SDC2: variants seen among roughly 807,000 people sequenced by gnomAD.
SDC2 encodes syndecan 2.
Under a neutral mutation model 22.2 loss-of-function variants are expected in SDC2, and 13 were observed. That is an observed-to-expected ratio of 0.59 (90% CI 0.38 to 0.93). The LOEUF is 0.93. Ranked by LOEUF, SDC2 falls within the 40% of genes least tolerant of loss-of-function variation. The pLI, the probability that SDC2 is intolerant of heterozygous loss-of-function variation, is 0.00. For synonymous variants in SDC2, 94 were observed against 92.8 expected (o/e 1.01, Z -0.07); for missense variants, 235 against 246.8 (o/e 0.95, Z 0.32).
At chr8:96,522,813 T>G (rs894710986) in intron 1 of SDC2, among the ~76,000 whole-genome samples, 1 of 152,224 alleles carries the variant, frequency 6.6e-6, no homozygotes, top group African/African-American at 2.4e-5. Context: ...AAAATAAATC[T>G]GGTCCATGAA....
rs1247943080 is a variant in SDC2 at position 96,493,939 on chromosome 8, G to A, written c.-333G>A. ...AAACCAGAAACTGAACCTCGGCACG[G>A]GAAAGGAGTCCGCGGAGGAGCAAAA... On this transcript the variant is annotated 5_prime_UTR_variant, in exon 1 of 5. Coordinates refer to ENST00000302190, the MANE Select transcript of SDC2 (RefSeq NM_002998.4). 2.7e-6 allele frequency: 1 copy of A among 372,924 alleles called. No individual in the cohort carries two copies. The highest frequency in any genetic ancestry group is 4.8e-6 in the Non-Finnish European group (1 of 208,386). 23.1% of individuals were successfully genotyped at this position (372,924 alleles called of 1,614,324 possible).
intron 1 of SDC2, among the ~76,000 whole-genome samples, chr8:96,511,330 A>G (rs973905801): frequency 2.6e-5 from 4 of 152,156 alleles, no homozygotes; most frequent in African/African-American, 9.7e-5. Flanking sequence ...ACCCAAAATG[A>G]GGGTCCCAGA....
intron 1 of SDC2, among the ~76,000 whole-genome samples, chr8:96,533,466 G>A (rs1010270787): frequency 2.0e-5 from 3 of 152,138 alleles, no homozygotes; most frequent in African/African-American, 7.2e-5. Context: ...GCACTGATTG[G>A]TGCATTTGCA....
chr8:96,584,632 G>A (rs191136136), intron 1 of SDC2, among the ~76,000 whole-genome samples: 1 of 152,272 alleles, frequency 6.6e-6, no homozygotes, highest in East Asian at 1.9e-4. Context: ...AGCTTTTCAG[G>A]TTAGGCTCAC....
At chr8:96,583,699 GTGTGTGTGTGTGTGTGTGTATA>G (rs1163094805) in intron 1 of SDC2, among the ~76,000 whole-genome samples, 1 of 129,436 alleles carries the variant, frequency 7.7e-6, no homozygotes, top group East Asian at 2.8e-4. Flanking sequence ...GTGTGTGTGT[GTGTGTGTGTGTGTGTGTGTATA>G]TATATATATG....
In SDC2 at chr8:96,507,229, C is replaced by T. The variant is rs530641929; in HGVS notation, c.60+12898C>T. ...GTGGCAGAGTTGTAAATTTAGCCTACGCTGTTTTATTAGTGTATTTTCTTA... is the reference window on the plus strand; with the variant it reads ...GTGGCAGAGTTGTAAATTTAGCCTATGCTGTTTTATTAGTGTATTTTCTTA... On this transcript the variant is annotated intron_variant, in intron 1 of 4. Transcript: ENST00000302190. 5.9e-5 allele frequency among the ~76,000 whole-genome samples: 9 copies of T among 152,298 alleles called. No individual in the cohort carries two copies. The East Asian group carries it at 7.7e-4, about 13-fold the overall frequency.
At chr8:96,549,128 T>C (rs1255033464) in intron 1 of SDC2, among the ~76,000 whole-genome samples, 2 of 152,172 alleles carry the variant, frequency 1.3e-5, no homozygotes, top group African/African-American at 4.8e-5. Context: ...AGTATAGGAA[T>C]CTAAAAACTG....
intron 1 of SDC2, among the ~76,000 whole-genome samples, chr8:96,540,357 A>ATAT (rs1220674689): frequency 0.079 from 6,468 of 82,092 alleles, 364 homozygotes; most frequent in East Asian, 0.32. Flanking sequence ...TATATATATA[A>ATAT]AAATTAGTCG....
At chr8:96,567,015 G>A (rs566778195) in intron 1 of SDC2, among the ~76,000 whole-genome samples, 2 of 152,178 alleles carry the variant, frequency 1.3e-5, no homozygotes, top group Admixed American at 6.5e-5. Flanking sequence ...CACCACGCCC[G>A]GCTAATTTTT....
intron 1 of SDC2, among the ~76,000 whole-genome samples, chr8:96,521,028 A>G (rs1813489646): frequency 6.6e-6 from 1 of 152,224 alleles, no homozygotes; most frequent in Non-Finnish European, 1.5e-5. Flanking sequence ...TTATTGATCA[A>G]GAAGCAGAGG....
At chr8:96,524,197 A>T (rs1400836408) in intron 1 of SDC2, among the ~76,000 whole-genome samples, 1 of 152,216 alleles carries the variant, frequency 6.6e-6, no homozygotes, top group African/African-American at 2.4e-5. Flanking sequence ...GAGTGAGATG[A>T]CTGTAGGCAG....
At chr8:96,532,229 T>C (rs547035782) in intron 1 of SDC2, among the ~76,000 whole-genome samples, 2 of 152,200 alleles carry the variant, frequency 1.3e-5, no homozygotes, top group East Asian at 1.9e-4. Context: ...TTATTAGTAA[T>C]AGCTGCCATG....
intron 1 of SDC2, among the ~76,000 whole-genome samples, chr8:96,511,608 G>A (rs1408634810): frequency 6.6e-6 from 1 of 152,116 alleles, no homozygotes; most frequent in African/African-American, 2.4e-5. Flanking sequence ...ATCACTGGGG[G>A]CAAGGCAAGG....
chr8:96,515,929 T>TA lies in SDC2; in HGVS notation c.60+21599dup, dbSNP rs148646291. ...TGTGATCATGACACTTTCACCAACTTACGGCTCCCTAGCCCTGGGACTGGC... is the reference window on the plus strand; with the variant it reads ...TGTGATCATGACACTTTCACCAACTTAACGGCTCCCTAGCCCTGGGACTGGC... On this transcript the variant is annotated intron_variant, in intron 1 of 4. Coordinates refer to ENST00000302190, the MANE Select transcript of SDC2 (RefSeq NM_002998.4). Among the ~76,000 whole-genome samples, 665 of 152,246 alleles carry TA rather than the reference T, an allele frequency of 4.4e-3. 3 individuals carry two copies. Among genetic ancestry groups the TA allele is most frequent in the African/African-American group, 0.015 (636 of 41,528 alleles).
At chr8:96,588,475 T>C (rs572064111) in intron 1 of SDC2, among the ~76,000 whole-genome samples, 1 of 152,362 alleles carries the variant, frequency 6.6e-6, no homozygotes, top group Non-Finnish European at 1.5e-5. Context: ...GCTACAGTTA[T>C]AGCCTTTTTG....
intron 1 of SDC2, among the ~76,000 whole-genome samples, chr8:96,577,465 C>CAA (rs1333004572): frequency 3.3e-5 from 5 of 152,230 alleles, no homozygotes; most frequent in Admixed American, 2.6e-4. Context: ...GCAGATAGAA[C>CAA]ATTGTGTTCC....
chr8:96,594,419 T>A (rs2651477), intron 2 of SDC2, among the ~76,000 whole-genome samples: 2 of 151,980 alleles, frequency 1.3e-5, no homozygotes, highest in African/African-American at 2.4e-5. Flanking sequence ...GCAAGCTATT[T>A]TTTCACAGTA....
chr8:96,501,424 C>T (rs984526625), intron 1 of SDC2, among the ~76,000 whole-genome samples: 1 of 149,014 alleles, frequency 6.7e-6, no homozygotes, highest in African/African-American at 2.5e-5. Flanking sequence ...CCTGCCTCAA[C>T]CTCCCGAGTA....
intron 1 of SDC2, among the ~76,000 whole-genome samples, chr8:96,518,361 GTTTTT>G (rs35449864): frequency 8.0e-6 from 1 of 125,214 alleles, no homozygotes; most frequent in Non-Finnish European, 1.7e-5. Context: ...ACCTTGAGAG[GTTTTT>G]TTTTTTTTTT....
Sources: gnomAD v4.1 joint callset for allele counts (sites outside exome capture counted in the v4.1 genomes callset) on GRCh38, gnomAD v4.1.1 for gene constraint, MANE v1.5 for transcripts, NCBI Gene and HGNC (gene_info 2026-07-23, HGNC 2026-07-21) for gene names.